Variants in GSDMC observed in about 807,000 individuals in gnomAD.
The protein encoded by GSDMC is gasdermin-C.
GSDMC carries 59 observed loss-of-function variants against 58.0 expected under a neutral mutation model. The observed-to-expected ratio is 1.02, with a 90% CI of 0.82 to 1.26. The LOEUF (loss-of-function observed/expected upper bound fraction) is 1.26, where lower values mean the gene tolerates loss of function less well. Among genes scored for constraint, GSDMC ranks in the 50% most tolerant of loss-of-function variants. The probability of loss-of-function intolerance (pLI) is 0.00; values close to 1 mark genes in which losing one functional copy is unlikely to be tolerated. For synonymous variants in GSDMC, 241 were observed against 220.2 expected (o/e 1.09, Z -0.83); for missense variants, 659 against 598.5 (o/e 1.10, Z -1.06).
At chr8:129,776,869 T>C (rs1236956959) in intron 2 of GSDMC, among the ~76,000 whole-genome samples, 2 of 152,108 alleles carry the variant, frequency 1.3e-5, no homozygotes, top group East Asian at 1.9e-4. Flanking sequence ...CAAGCAATTA[T>C]TGAGCCTCAG....
At chr8:129,762,880 T>A in intron 4 of GSDMC, 149 bp from the exon 5 acceptor site, 1 of 567,310 alleles carries the variant, frequency 1.8e-6, no homozygotes, top group Admixed American at 3.2e-5. Context: ...TGCTCTTTCT[T>A]CCTTATTTCA....
At chr8:129,737,389 T>C in the GSDMC span, among the ~76,000 whole-genome samples, 1 of 152,140 alleles carries the variant, frequency 6.6e-6, no homozygotes. Flanking sequence ...GACTTCAAAC[T>C]ATACTACAAG....
chr8:129,711,212 C>A, the GSDMC span, among the ~76,000 whole-genome samples: 4 of 152,132 alleles, frequency 2.6e-5, no homozygotes, highest in Admixed American at 2.0e-4. Flanking sequence ...TCTTTACATG[C>A]GTGTACAATC....
At chr8:129,730,479 GA>G in the GSDMC span, 1 of 836,418 alleles carries the variant, frequency 1.2e-6, no homozygotes. Context: ...TTGTAGCTTA[GA>G]AAAATTCTAC....
the GSDMC span, among the ~76,000 whole-genome samples, chr8:129,734,641 T>C: frequency 3.9e-5 from 6 of 152,104 alleles, no homozygotes; most frequent in Admixed American, 6.6e-5. Context: ...GATTTTGTCA[T>C]CACCAGGCCT....
At chr8:129,733,614 A>G in the GSDMC span, among the ~76,000 whole-genome samples, 859 of 152,362 alleles carry the variant, frequency 5.6e-3, 7 homozygotes, top group African/African-American at 0.019. Context: ...AACAGAAAAG[A>G]ATAGCATCAA....
chr8:129,768,637 A>G (rs1031816588), intron 3 of GSDMC, among the ~76,000 whole-genome samples: 5 of 152,220 alleles, frequency 3.3e-5, no homozygotes, highest in Admixed American at 2.6e-4. Context: ...CTCAAAGACA[A>G]TTTGAAATTA....
At position 129,748,499 on chromosome 8, in the gene GSDMC, G is replaced by A. The variant is rs1393258548; in HGVS notation, c.*2C>T. The stretch of plus-strand genomic sequence containing the variant: ...CTGGACTGACTGCCCATCAGGGAGG[G>A]CTTAGGCCTCAGCCAGCTGCTGCAG... On this transcript the variant is annotated 3_prime_UTR_variant, in exon 14 of 14. Coordinates refer to ENST00000276708, the MANE Select transcript of GSDMC (RefSeq NM_031415.3). 1.9e-6 allele frequency: 3 copies of A among 1,600,158 alleles called. No individual in the cohort carries two copies. The highest frequency in any genetic ancestry group is 2.6e-6 in the Non-Finnish European group (3 of 1,173,534).
intron 5 of GSDMC, among the ~76,000 whole-genome samples, chr8:129,762,354 C>T (rs1156946568): frequency 1.3e-5 from 2 of 152,110 alleles, no homozygotes; most frequent in African/African-American, 4.8e-5. Flanking sequence ...CCAGAGCTAA[C>T]AACACTCCAA....
chr8:129,739,695 C>T, the GSDMC span, among the ~76,000 whole-genome samples: 1 of 152,074 alleles, frequency 6.6e-6, no homozygotes, highest in Non-Finnish European at 1.5e-5. Flanking sequence ...CACAGCCAGC[C>T]ATATAAAAGT....
the GSDMC span, among the ~76,000 whole-genome samples, chr8:129,742,980 A>G: frequency 6.6e-6 from 1 of 152,102 alleles, no homozygotes; most frequent in Non-Finnish European, 1.5e-5. Flanking sequence ...ATCATCAATA[A>G]TTGTAACCTT....
the GSDMC span, among the ~76,000 whole-genome samples, chr8:129,712,074 T>C: frequency 4.6e-5 from 7 of 152,152 alleles, 1 homozygote; most frequent in Non-Finnish European, 5.9e-5. Context: ...CTGGGCACCA[T>C]AGCAAGATCC....
chr8:129,745,510 G>A (rs1041467893), downstream of GSDMC, among the ~76,000 whole-genome samples: 11 of 131,914 alleles, frequency 8.3e-5, no homozygotes, highest in African/African-American at 3.4e-4. Flanking sequence ...GCATCTTCCC[G>A]AATTATATGC....
intron 6 of GSDMC, 42 bp from the exon 7 acceptor site, chr8:129,752,862 T>C (rs201634710): frequency 2.0e-5 from 33 of 1,613,316 alleles, no homozygotes; most frequent in Non-Finnish European, 2.1e-5. Flanking sequence ...TAACTTTACA[T>C]TGAACTCAGT....
At chr8:129,706,232 A>G in the GSDMC span, among the ~76,000 whole-genome samples, 1 of 152,218 alleles carries the variant, frequency 6.6e-6, no homozygotes, top group South Asian at 2.1e-4. Context: ...AAAAAAAGTC[A>G]GAGGAATTAC....
At chr8:129,779,048 T>C (rs568200355) in intron 1 of GSDMC, among the ~76,000 whole-genome samples, 2 of 152,234 alleles carry the variant, frequency 1.3e-5, no homozygotes, top group Non-Finnish European at 2.9e-5. Context: ...AAAAACAGTT[T>C]GGTGATTCCT....
intron 6 of GSDMC, among the ~76,000 whole-genome samples, chr8:129,757,567 A>G (rs2033490107): frequency 6.6e-6 from 1 of 152,100 alleles, no homozygotes; most frequent in African/African-American, 2.4e-5. Context: ...AGTATTACCC[A>G]GATACCAAAA....
intron 3 of GSDMC, among the ~76,000 whole-genome samples, chr8:129,772,556 C>T (rs531588766): frequency 2.0e-5 from 3 of 152,152 alleles, no homozygotes; most frequent in Admixed American, 2.0e-4. Flanking sequence ...AACATATGAT[C>T]TATTGAGATT....
intron 7 of GSDMC, among the ~76,000 whole-genome samples, chr8:129,752,439 G>T (rs1335376601): frequency 6.6e-6 from 1 of 152,182 alleles, no homozygotes; most frequent in Non-Finnish European, 1.5e-5. Context: ...GGAAATGGAG[G>T]AGCATGACTG....
Sources: gnomAD v4.1 joint callset for allele counts (sites outside exome capture counted in the v4.1 genomes callset) on GRCh38, gnomAD v4.1.1 for gene constraint, MANE v1.5 for transcripts, NCBI Gene and HGNC (gene_info 2026-07-23, HGNC 2026-07-21) for gene names.